The following GATAD2A variants were observed in gnomAD, a reference collection of about 807,000 sequenced individuals.
GATAD2A encodes the protein transcriptional repressor p66-alpha.
In GATAD2A, 12 loss-of-function variants were observed where a neutral mutation model predicts 68.5. That is an observed-to-expected ratio of 0.18 (90% CI 0.11 to 0.28). The LOEUF (loss-of-function observed/expected upper bound fraction) is 0.28, where lower values mean the gene tolerates loss of function less well. Among genes scored for constraint, GATAD2A ranks in the 10% least tolerant of loss-of-function variants. The pLI is 1.00. For synonymous variants in GATAD2A, 410 were observed against 375.3 expected (o/e 1.09, Z -1.07); for missense variants, 755 against 868.5 (o/e 0.87, Z 1.64).
At chr19:19,493,813 A>G (rs916956361) in intron 4 of GATAD2A, among the ~76,000 whole-genome samples, 3 of 134,074 alleles carry the variant, frequency 2.2e-5, no homozygotes, top group African/African-American at 5.7e-5. Flanking sequence ...TCTTTTTTCT[A>G]TTTCTTTGTC....
chr19:19,428,927 G>A (rs2053406006), intron 1 of GATAD2A, among the ~76,000 whole-genome samples: 1 of 152,128 alleles, frequency 6.6e-6, no homozygotes, highest in South Asian at 2.1e-4. Context: ...CCCAGGGGCT[G>A]TGCCGTGCCC....
chr19:19,490,293 C>T (rs764411291), intron 2 of GATAD2A, among the ~76,000 whole-genome samples: 4 of 152,140 alleles, frequency 2.6e-5, no homozygotes, highest in African/African-American at 4.8e-5. Context: ...AGTCCAGCAT[C>T]TGGCGAGTCC....
chr19:19,447,613 T>C (rs903768408), intron 1 of GATAD2A, among the ~76,000 whole-genome samples: 1 of 152,234 alleles, frequency 6.6e-6, no homozygotes, highest in Non-Finnish European at 1.5e-5. Flanking sequence ...AAGGATTGTT[T>C]GTGGGTAGAC....
At chr19:19,414,158 G>A (rs765464192) in intron 1 of GATAD2A, among the ~76,000 whole-genome samples, 1 of 152,134 alleles carries the variant, frequency 6.6e-6, no homozygotes, top group African/African-American at 2.4e-5. Context: ...CTGAGTATAG[G>A]TTCAAATGTA....
In GATAD2A at chr19:19,506,821, TG is replaced by T. The variant is rs1322425179; in HGVS notation, c.*1348del. ...CGTCCCGTGCCCACGTACATACGTA[TG>T]TCTCCATGAGTTCTGGGCTCCACTG... On this transcript the variant is annotated 3_prime_UTR_variant, in exon 12 of 12. Coordinates refer to ENST00000683918, the MANE Select transcript of GATAD2A (RefSeq NM_001384528.1). 6.6e-6 allele frequency: 1 copy of T among 152,248 alleles called. No homozygotes were observed. Among genetic ancestry groups the T allele is most frequent in the Non-Finnish European group, 1.5e-5 (1 of 68,040 alleles). The allele number at this position is 152,248 out of a possible 1,614,324, so 9.4% of individuals were successfully genotyped here. A position where few individuals can be genotyped will look rare whatever the true frequency, so the allele number is the denominator to read the frequency against.
At chr19:19,390,173 T>C (rs536703106) in intron 1 of GATAD2A, among the ~76,000 whole-genome samples, 2 of 152,334 alleles carry the variant, frequency 1.3e-5, no homozygotes, top group South Asian at 4.1e-4. Context: ...CCCTTCTTAG[T>C]TATGTGGCCT....
chr19:19,400,489 C>G (rs1439553370), intron 1 of GATAD2A, among the ~76,000 whole-genome samples: 1 of 152,134 alleles, frequency 6.6e-6, no homozygotes, highest in Non-Finnish European at 1.5e-5. Context: ...GTCCCACAAA[C>G]TCTTGATCTA....
chr19:19,417,698 G>A (rs1046361512), intron 1 of GATAD2A, among the ~76,000 whole-genome samples: 3 of 152,252 alleles, frequency 2.0e-5, no homozygotes, highest in South Asian at 4.2e-4. Flanking sequence ...TGACAATATC[G>A]ACTTGAATTG....
intron 1 of GATAD2A, among the ~76,000 whole-genome samples, chr19:19,432,302 T>C (rs984665607): frequency 6.6e-6 from 1 of 151,774 alleles, no homozygotes; most frequent in Non-Finnish European, 1.5e-5. Flanking sequence ...TTGTTTTTGT[T>C]TTTGTTTTTG....
At chr19:19,442,809 C>G (rs2055258423) in intron 1 of GATAD2A, among the ~76,000 whole-genome samples, 1 of 150,486 alleles carries the variant, frequency 6.6e-6, no homozygotes, top group Non-Finnish European at 1.5e-5. Context: ...CTTATTGGTG[C>G]TTAAAGGACA....
At chr19:19,467,387 A>T (rs919855853) in intron 2 of GATAD2A, among the ~76,000 whole-genome samples, 7 of 151,998 alleles carry the variant, frequency 4.6e-5, no homozygotes, top group African/African-American at 1.7e-4. Flanking sequence ...AAAACAAAAA[A>T]ATATTGCTAG....
At chr19:19,393,163 C>T (rs1377609479) in intron 1 of GATAD2A, among the ~76,000 whole-genome samples, 2 of 152,034 alleles carry the variant, frequency 1.3e-5, no homozygotes, top group East Asian at 1.9e-4. Context: ...ATTAGCTGGG[C>T]GTGGTGGCAC....
At chr19:19,404,677 T>C (rs1201600510), upstream of GATAD2A, among the ~76,000 whole-genome samples, 2 of 152,216 alleles carry the variant, frequency 1.3e-5, no homozygotes, top group Non-Finnish European at 2.9e-5. Context: ...AGCAAGACTC[T>C]GTCTCCAAAA....
At chr19:19,488,751 C>T (rs888888648) in intron 2 of GATAD2A, among the ~76,000 whole-genome samples, 1 of 152,196 alleles carries the variant, frequency 6.6e-6, no homozygotes, top group Non-Finnish European at 1.5e-5. Flanking sequence ...TGATAACAGC[C>T]TGGCCTGCTT....
Position 19,477,608 on chromosome 19 carries a change from G to A in GATAD2A, c.269+11994G>A, listed in dbSNP as rs568961730. Among the ~76,000 whole-genome samples, 6 of 152,250 alleles carry A rather than the reference G, an allele frequency of 3.9e-5. 1 individual carries two copies. The highest frequency in any genetic ancestry group is 1.2e-4 in the African/African-American group (5 of 41,558). ...GTACACGGTGGTAGGAGCAGAGACCGGAAAGGTGGTCTGGGATAGATTGTT... is the reference window on the plus strand; with the variant it reads ...GTACACGGTGGTAGGAGCAGAGACCAGAAAGGTGGTCTGGGATAGATTGTT... On this transcript the variant is annotated intron_variant, in intron 2 of 11. Transcript: ENST00000683918.
At chr19:19,396,740 G>A (rs2049273572) in intron 1 of GATAD2A, among the ~76,000 whole-genome samples, 1 of 152,020 alleles carries the variant, frequency 6.6e-6, no homozygotes, top group South Asian at 2.1e-4. Context: ...AGACAGTCTC[G>A]CTATGTTGCC....
chr19:19,502,023 A>C lies in GATAD2A; in HGVS notation c.1558A>C (p.Ser520Arg), dbSNP rs775585903. The C allele has an allele frequency of 9.1e-5, 147 of 1,613,622 alleles. No individual in the cohort carries two copies. The highest frequency in any genetic ancestry group is 1.2e-4 in the Non-Finnish European group (136 of 1,179,774). Residue 520 changes from serine (S) to arginine (R), a missense_variant, in exon 10 of 12, where the codon AGT becomes CGT. Transcript: ENST00000683918. ...AFRSGEARDW[S>R]NGAVLQASSQ... ...CCGCTCAGGAGAGGCCCGCGACTGG[A>C]GTAACGGGGCTGTGCTACAGGTCAG... is the stretch of plus-strand genomic sequence containing the variant.
intron 1 of GATAD2A, among the ~76,000 whole-genome samples, chr19:19,459,732 T>A (rs2057257682): frequency 6.6e-6 from 1 of 152,342 alleles, no homozygotes; most frequent in South Asian, 2.1e-4. Context: ...GTGTCCTTGG[T>A]CCTGTGGTTG....
chr19:19,450,869 C>G (rs1362213198), intron 1 of GATAD2A, among the ~76,000 whole-genome samples: 1 of 151,612 alleles, frequency 6.6e-6, no homozygotes, highest in Non-Finnish European at 1.5e-5. Flanking sequence ...CTCCCGGTTT[C>G]AAGCAATTCC....
Sources: gnomAD v4.1 joint callset for allele counts (sites outside exome capture counted in the v4.1 genomes callset) on GRCh38, gnomAD v4.1.1 for gene constraint, MANE v1.5 for transcripts, NCBI Gene and HGNC (gene_info 2026-07-23, HGNC 2026-07-21) for gene names.